The following VPS13D variants were observed in gnomAD, a reference collection of about 807,000 sequenced individuals.
The protein encoded by VPS13D is vacuolar protein sorting 13 homolog D.
In VPS13D, 187 loss-of-function variants were observed where a neutral mutation model predicts 461.9. The ratio of observed to expected loss-of-function variants is 0.40; its 90% CI spans 0.36 to 0.46. The LOEUF (loss-of-function observed/expected upper bound fraction) is 0.46. Ranked by LOEUF, VPS13D falls within the 20% of genes least tolerant of loss-of-function variation. The pLI is 0.60. For synonymous variants in VPS13D, 1,951 were observed against 1,986.3 expected (o/e 0.98, Z 0.47); for missense variants, 4,711 against 5,364.9 (o/e 0.88, Z 3.81).
chr1:12,348,925 C>T lies in VPS13D; in HGVS notation c.9172C>T (p.Leu3058Phe). The T allele has an allele frequency of 6.2e-7, 1 of 1,614,192 alleles. No homozygotes were observed. The highest frequency in any genetic ancestry group is 8.5e-7 in the Non-Finnish European group (1 of 1,180,032). The change falls in exon 45 of 70, where the codon CTT becomes TTT. Residue 3058 changes from leucine (L) to phenylalanine (F), a missense_variant. Leu to Phe is a conservative substitution (Grantham distance 22, BLOSUM62 0). Around this residue, in one of 3 missense-constraint regions of VPS13D, gnomAD observed 4,411 missense variants for 4,937.8 expected, o/e 0.89. Coordinates refer to ENST00000620676, the MANE Select transcript of VPS13D (RefSeq NM_015378.4). ...GTCAGCCCTCATTGTGAGGAACAGA[C>T]TTGAGACACCAATGGAACTAAGACT... ...VRSALIVRNR[L>F]ETPMELRLDS... is the part of the protein sequence containing the mutation.
At chr1:12,346,570 T>C in intron 43 of VPS13D, 35 bp from the exon 44 acceptor site, 1 of 1,606,246 alleles carries the variant, frequency 6.2e-7, no homozygotes, top group Admixed American at 1.7e-5. Flanking sequence ...TTATCTTAAG[T>C]CTGTGCTGAC....
intron 14 of VPS13D, 68 bp from the exon 15 acceptor site, chr1:12,267,777 T>C (rs1452404602): frequency 7.2e-7 from 1 of 1,387,380 alleles, no homozygotes; most frequent in African/African-American, 1.4e-5. Context: ...AAGGGTAAGA[T>C]GGGTTTGTTT....
chr1:12,462,705 T>C (rs1387755857), intron 67 of VPS13D, among the ~76,000 whole-genome samples: 2 of 152,242 alleles, frequency 1.3e-5, no homozygotes, highest in Non-Finnish European at 2.9e-5. Flanking sequence ...TGTCAAGATA[T>C]GGCATTCCAC....
At chr1:12,424,460 T>C (rs763297054) in intron 65 of VPS13D, among the ~76,000 whole-genome samples, 1 of 152,074 alleles carries the variant, frequency 6.6e-6, no homozygotes, top group Admixed American at 6.5e-5. Context: ...CTAATAAAAG[T>C]GTATTTGTGG....
intron 65 of VPS13D, among the ~76,000 whole-genome samples, chr1:12,442,969 A>C (rs1645148561): frequency 6.6e-6 from 1 of 152,264 alleles, no homozygotes; most frequent in Non-Finnish European, 1.5e-5. Context: ...TAAATTGTAG[A>C]AGAGTTGATC....
chr1:12,423,394 A>G (rs1020386292), intron 65 of VPS13D, among the ~76,000 whole-genome samples: 1 of 152,152 alleles, frequency 6.6e-6, no homozygotes, highest in South Asian at 2.1e-4. Flanking sequence ...AAATAAACCA[A>G]AAAAATAAAA....
chr1:12,358,695 A>G (rs1202012511), intron 50 of VPS13D, 94 bp downstream of exon 50: 5 of 1,479,734 alleles, frequency 3.4e-6, no homozygotes, highest in Admixed American at 2.2e-5. Flanking sequence ...TGGCCTGACT[A>G]CAAGTACTGA....
At chr1:12,458,512 A>G (rs933959147) in intron 66 of VPS13D, among the ~76,000 whole-genome samples, 1 of 152,146 alleles carries the variant, frequency 6.6e-6, no homozygotes, top group African/African-American at 2.4e-5. Context: ...GGCTGCAGCA[A>G]GCGGTAATCA....
chr1:12,288,546 C>G (rs1215228865), intron 22 of VPS13D, among the ~76,000 whole-genome samples: 2 of 151,766 alleles, frequency 1.3e-5, no homozygotes, highest in Admixed American at 6.6e-5. Flanking sequence ...TTCCCTCCTC[C>G]TGTCTCTCAT....
At chr1:12,421,935 C>T (rs1181255825) in intron 65 of VPS13D, among the ~76,000 whole-genome samples, 1 of 152,178 alleles carries the variant, frequency 6.6e-6, no homozygotes, top group Non-Finnish European at 1.5e-5. Flanking sequence ...GATCCTCCCA[C>T]CTCAGCCTCC....
At chr1:12,446,906 G>A (rs753909679) in intron 65 of VPS13D, among the ~76,000 whole-genome samples, 2 of 152,104 alleles carry the variant, frequency 1.3e-5, no homozygotes, top group Admixed American at 6.6e-5. Flanking sequence ...TCCACATAAC[G>A]GACATGTACC....
At chr1:12,271,264 A>G in intron 17 of VPS13D, 140 bp downstream of exon 17, 1 of 1,082,466 alleles carries the variant, frequency 9.2e-7, no homozygotes, top group Admixed American at 2.5e-5. Context: ...AATCCTTATC[A>G]GCTAGCATAG....
intron 35 of VPS13D, among the ~76,000 whole-genome samples, chr1:12,326,199 A>G (rs1003301068): frequency 7.2e-6 from 1 of 138,890 alleles, no homozygotes; most frequent in African/African-American, 2.7e-5. Flanking sequence ...CCCAGTCATT[A>G]GTTTTTGGTT....
intron 60 of VPS13D, among the ~76,000 whole-genome samples, chr1:12,396,793 G>A (rs546560816): frequency 1.3e-5 from 2 of 152,228 alleles, no homozygotes; most frequent in South Asian, 4.1e-4. Flanking sequence ...ATTTATTTGT[G>A]CACAGATAGA....
chr1:12,310,522 A>G (rs1208421438), intron 27 of VPS13D, among the ~76,000 whole-genome samples: 1 of 152,118 alleles, frequency 6.6e-6, no homozygotes, highest in African/African-American at 2.4e-5. Flanking sequence ...ACTTCTGTCC[A>G]TCCCAGCTGA....
chr1:12,327,866 A>G lies in VPS13D; in HGVS notation c.8197+12A>G. 1 of 1,610,988 alleles carries G rather than the reference A, an allele frequency of 6.2e-7. No homozygotes were observed. Among genetic ancestry groups the G allele is most frequent in the Non-Finnish European group, 8.5e-7 (1 of 1,179,316 alleles). ...ACTCACCTTTTCCCGTGAGTGTTGT[A>G]CTGGTTTTCAGATTCATCTTGAATA... On this transcript the variant is annotated intron_variant, in intron 36 of 69. Transcript: ENST00000620676.
chr1:12,461,627 C>G (rs1335670452), intron 67 of VPS13D, among the ~76,000 whole-genome samples: 2 of 152,116 alleles, frequency 1.3e-5, no homozygotes, highest in Non-Finnish European at 2.9e-5. Flanking sequence ...GCTCGAAGCC[C>G]AAGAAGTCCA....
intron 66 of VPS13D, among the ~76,000 whole-genome samples, chr1:12,459,647 T>G (rs894390722): frequency 6.6e-6 from 1 of 151,918 alleles, no homozygotes; most frequent in Non-Finnish European, 1.5e-5. Flanking sequence ...CCCAGCTAAT[T>G]TTTGTATTTT....
At chr1:12,498,866 C>T (rs1419579451) in intron 68 of VPS13D, among the ~76,000 whole-genome samples, 1 of 152,152 alleles carries the variant, frequency 6.6e-6, no homozygotes, top group Non-Finnish European at 1.5e-5. Context: ...CTCAGGGCCC[C>T]AACCTTATGA....
Sources: allele counts gnomAD v4.1 joint callset (sites outside exome capture counted in the v4.1 genomes callset), GRCh38; gene constraint gnomAD v4.1.1; regional missense constraint gnomAD v4.1.1; transcripts MANE v1.5; gene names NCBI Gene and HGNC (gene_info 2026-07-23, HGNC 2026-07-21).